ALK: variants seen among roughly 807,000 people sequenced by gnomAD.
ALK encodes ALK tyrosine kinase receptor.
Under a neutral mutation model 163.1 loss-of-function variants are expected in ALK, and 74 were observed. That is an observed-to-expected ratio of 0.45 (90% CI 0.38 to 0.55). The LOEUF is 0.55. Ranked by LOEUF, ALK falls within the 20% of genes least tolerant of loss-of-function variation. ALK has a pLI of 0.00. For synonymous variants in ALK, 960 were observed against 843.2 expected (o/e 1.14, Z -2.40); for missense variants, 2,063 against 2,105.3 (o/e 0.98, Z 0.39).
At chr2:29,917,628 C>T (rs1667867909) in intron 1 of ALK, among the ~76,000 whole-genome samples, 1 of 152,194 alleles carries the variant, frequency 6.6e-6, no homozygotes, top group Admixed American at 6.5e-5. Context: ...GTGAGAGAGG[C>T]TAGTCCTGCA....
At chr2:29,311,016 TTCC>T (rs1666680202) in intron 8 of ALK, among the ~76,000 whole-genome samples, 1 of 152,234 alleles carries the variant, frequency 6.6e-6, no homozygotes, top group Non-Finnish European at 1.5e-5. Flanking sequence ...CCACTGCAGC[TTCC>T]TCCTTTGTAT....
At chr2:29,893,294 T>C (rs2148426152) in intron 1 of ALK, among the ~76,000 whole-genome samples, 1 of 152,328 alleles carries the variant, frequency 6.6e-6, no homozygotes, top group East Asian at 1.9e-4. Context: ...TATTTAAAGA[T>C]AAGCCCATCT....
At chr2:29,789,905 G>C (rs961607331) in intron 1 of ALK, among the ~76,000 whole-genome samples, 2 of 152,148 alleles carry the variant, frequency 1.3e-5, no homozygotes, top group East Asian at 1.9e-4. Context: ...TCAGTTTCCT[G>C]TTTATTTGTT....
rs78410351 is a variant in ALK at position 29,663,538 on chromosome 2, T to C, written c.952+31312A>G. Among the ~76,000 whole-genome samples the C allele has an allele frequency of 9.1e-3, 1,389 of 152,268 alleles. 20 individuals are homozygous for C. The highest frequency in any genetic ancestry group is 0.031 in the African/African-American group (1,293 of 41,572). On this transcript the variant is annotated intron_variant, in intron 3 of 28. Transcript: ENST00000389048. ...CAGTGAGATCCTTAAGCAATTTCCC[T>C]CTATAGAGTTTAATCTCATGGGGAT...
chr2:29,741,796 T>C (rs1680067598), intron 1 of ALK, among the ~76,000 whole-genome samples: 1 of 152,134 alleles, frequency 6.6e-6, no homozygotes, highest in Non-Finnish European at 1.5e-5. Context: ...GCCACATAGA[T>C]AGACTCTGAC....
At chr2:29,199,206 G>A (rs10173244) in intron 26 of ALK, among the ~76,000 whole-genome samples, 3,511 of 152,094 alleles carry the variant, frequency 0.023, 137 homozygotes, top group African/African-American at 0.08. Flanking sequence ...CACCCACCTC[G>A]GCCTCCCAAA....
At chr2:29,700,479 G>A (rs1323522189) in intron 2 of ALK, among the ~76,000 whole-genome samples, 1 of 152,196 alleles carries the variant, frequency 6.6e-6, no homozygotes, top group Non-Finnish European at 1.5e-5. Flanking sequence ...GGGAGGCGGA[G>A]GGTGCGGTGA....
intron 6 of ALK, among the ~76,000 whole-genome samples, 198 bp downstream of exon 6, chr2:29,328,152 A>G (rs531649345): frequency 6.6e-6 from 1 of 152,324 alleles, no homozygotes; most frequent in East Asian, 1.9e-4. Flanking sequence ...GACTTATATG[A>G]CTACGGACCA....
intron 4 of ALK, among the ~76,000 whole-genome samples, chr2:29,495,413 C>T (rs1368693917): frequency 1.3e-5 from 2 of 152,176 alleles, no homozygotes; most frequent in Non-Finnish European, 2.9e-5. Flanking sequence ...CCTCTCAAGA[C>T]AACCTTCTCT....
intron 5 of ALK, among the ~76,000 whole-genome samples, chr2:29,337,234 C>T (rs988592048): frequency 1.3e-5 from 2 of 152,182 alleles, no homozygotes; most frequent in African/African-American, 4.8e-5. Context: ...TGGACAACCT[C>T]ATTAAAGAGC....
chr2:29,791,559 A>G (rs1207955850), intron 1 of ALK, among the ~76,000 whole-genome samples: 2 of 152,084 alleles, frequency 1.3e-5, no homozygotes, highest in African/African-American at 2.4e-5. Flanking sequence ...GCAAACCACC[A>G]TGGCATGTGT....
chr2:29,920,058 T>C lies in ALK; in HGVS notation c.602A>G (p.Glu201Gly), dbSNP rs2148442900. 1 of 1,614,174 alleles carries C rather than the reference T, an allele frequency of 6.2e-7. No individual in the cohort carries two copies. Among genetic ancestry groups the C allele is most frequent in the Non-Finnish European group, 8.5e-7 (1 of 1,180,046 alleles). Residue 201 changes from glutamate (E) to glycine (G), a missense_variant, in exon 1 of 29, where the codon GAG becomes GGG. Transcript: ENST00000389048. ...GCGAATTGCCGCGGACAGCCTTCCC[T>C]CTCTGCCCACTTCCGACGCCTTCTT... The part of the protein sequence containing the change: ...PEKKASEVGR[E>G]GRLSAAIRAS...
rs78062029 is a variant in ALK at position 29,758,471 on chromosome 2, G to A, written c.668-40774C>T. The stretch of plus-strand genomic sequence containing the variant: ...CCAGGCTTGGCCTACTTGTGTCTGG[G>A]ATGGTGATTTGACTCCAGGGTTTCA... On this transcript the variant is annotated intron_variant, in intron 1 of 28. Transcript: ENST00000389048. Among the ~76,000 whole-genome samples, 619 of 152,300 alleles carry A rather than the reference G, an allele frequency of 4.1e-3. 4 individuals carry two copies. Among genetic ancestry groups the A allele is most frequent in the African/African-American group, 0.013 (534 of 41,562 alleles).
chr2:29,587,834 A>T (rs559130836), intron 3 of ALK, among the ~76,000 whole-genome samples: 1 of 152,362 alleles, frequency 6.6e-6, no homozygotes, highest in South Asian at 2.1e-4. Flanking sequence ...AAGCAACAAC[A>T]TATAGAAATA....
chr2:29,310,956 A>C (rs1257553577), intron 8 of ALK, among the ~76,000 whole-genome samples: 1 of 152,168 alleles, frequency 6.6e-6, no homozygotes, highest in Non-Finnish European at 1.5e-5. Context: ...CAAATCTCTT[A>C]CTCATGTAGA....
At chr2:29,282,303 G>A (rs1413025669) in intron 9 of ALK, among the ~76,000 whole-genome samples, 1 of 152,146 alleles carries the variant, frequency 6.6e-6, no homozygotes, top group Admixed American at 6.5e-5. Flanking sequence ...GTCGCAGTAG[G>A]CATATCTATT....
chr2:29,818,958 A>G (rs1057328056), intron 1 of ALK, among the ~76,000 whole-genome samples: 2 of 152,168 alleles, frequency 1.3e-5, no homozygotes, highest in Non-Finnish European at 2.9e-5. Context: ...TTTAATATCC[A>G]CATCCTCCAC....
intron 4 of ALK, among the ~76,000 whole-genome samples, chr2:29,449,045 C>T (rs1436633830): frequency 2.0e-5 from 3 of 152,140 alleles, no homozygotes; most frequent in Non-Finnish European, 4.4e-5. Context: ...CAGTATTGCA[C>T]AAAGGCCATA....
chr2:29,577,741 G>A (rs1044891461), intron 3 of ALK, among the ~76,000 whole-genome samples: 3 of 152,204 alleles, frequency 2.0e-5, no homozygotes, highest in African/African-American at 7.2e-5. Context: ...ACTGATGTGA[G>A]ACAAAAGCAC....
Sources: allele counts gnomAD v4.1 joint callset (sites outside exome capture counted in the v4.1 genomes callset), GRCh38; gene constraint gnomAD v4.1.1; transcripts MANE v1.5; gene names NCBI Gene and HGNC (gene_info 2026-07-23, HGNC 2026-07-21).